SAMM50: variants seen among roughly 807,000 people sequenced by gnomAD.
The protein encoded by SAMM50 is sorting and assembly machinery component 50 homolog.
In SAMM50, 47 loss-of-function variants were observed where a neutral mutation model predicts 66.9. The ratio of observed to expected loss-of-function variants is 0.70; its 90% CI spans 0.56 to 0.90. The LOEUF is 0.90. Among genes scored for constraint, SAMM50 ranks in the 40% least tolerant of loss-of-function variants. The pLI is 0.00. For synonymous variants in SAMM50, 191 were observed against 214.1 expected, an observed-to-expected ratio of 0.89 and a Z score of 0.94; for missense variants, 535 against 595.3, an observed-to-expected ratio of 0.90 and a Z score of 1.05.
intron 3 of SAMM50, among the ~76,000 whole-genome samples, 196 bp downstream of exon 3, chr22:43,964,749 G>C (rs747882780): frequency 4.6e-5 from 7 of 152,124 alleles, no homozygotes; most frequent in Non-Finnish European, 1.0e-4. Flanking sequence ...CCATGTATTC[G>C]CATTTGCCTT....
intron 9 of SAMM50, among the ~76,000 whole-genome samples, chr22:43,977,478 A>G (rs1199302197): frequency 6.6e-6 from 1 of 152,210 alleles, no homozygotes; most frequent in Non-Finnish European, 1.5e-5. Flanking sequence ...GGGGTGCCTG[A>G]CCTTCAGTGT....
Position 43,972,900 on chromosome 22 carries a change from T to C in SAMM50, c.459T>C (p.Leu153=). 6.2e-7 allele frequency: 1 copy of C among 1,603,230 alleles called. No homozygotes were observed. The highest frequency in any genetic ancestry group is 8.5e-7 in the Non-Finnish European group (1 of 1,177,692). Residue 153 remains leucine, a synonymous_variant, in exon 6 of 15, where the codon CTT becomes CTC. Coordinates refer to ENST00000350028, the MANE Select transcript of SAMM50 (RefSeq NM_015380.5). Reference sequence around the variant, plus strand: ...TTGGCCTCAAGCTTCCTAATCTTCTTGGTCGTGCAGAAAAGGTGACCTTTC... The same window carrying C: ...TTGGCCTCAAGCTTCCTAATCTTCTCGGTCGTGCAGAAAAGGTGACCTTTC... The part of the protein sequence containing the change: ...MVLGLKLPNL[L]GRAEKVTFQF...
chr22:43,981,698 T>G (rs2050265625), intron 11 of SAMM50, among the ~76,000 whole-genome samples: 1 of 152,228 alleles, frequency 6.6e-6, no homozygotes, highest in South Asian at 2.1e-4. Flanking sequence ...CCCTTTTGAT[T>G]ATGAAGGAAT....
intron 13 of SAMM50, 134 bp from the exon 14 acceptor site, chr22:43,990,131 C>T: frequency 1.1e-6 from 1 of 944,556 alleles, no homozygotes; most frequent in East Asian, 2.6e-5. Flanking sequence ...TTCATGCATC[C>T]TCCCTAATCT....
intron 10 of SAMM50, among the ~76,000 whole-genome samples, chr22:43,978,455 T>G (rs868333368): frequency 1.3e-4 from 9 of 70,446 alleles, no homozygotes; most frequent in Middle Eastern, 7.2e-3. Flanking sequence ...AAAAAAAAAG[T>G]AACCTCTGCT....
At chr22:43,966,435 G>A (rs2050173842) in intron 3 of SAMM50, among the ~76,000 whole-genome samples, 1 of 151,894 alleles carries the variant, frequency 6.6e-6, no homozygotes, top group Non-Finnish European at 1.5e-5. Context: ...TTGGCTCACT[G>A]CAACCTCCGC....
chr22:43,984,745 C>T (rs2050283199), intron 12 of SAMM50, among the ~76,000 whole-genome samples: 1 of 152,188 alleles, frequency 6.6e-6, no homozygotes, highest in African/African-American at 2.4e-5. Context: ...TCTCCTGCCT[C>T]AGCCCCCTGA....
intron 12 of SAMM50, among the ~76,000 whole-genome samples, chr22:43,984,779 C>A (rs1009496774): frequency 6.6e-6 from 1 of 151,988 alleles, no homozygotes; most frequent in African/African-American, 2.4e-5. Flanking sequence ...CAGGCACACA[C>A]CACCACGCCT....
At chr22:43,992,150 C>T (rs772650203) in intron 14 of SAMM50, among the ~76,000 whole-genome samples, 1 of 152,194 alleles carries the variant, frequency 6.6e-6, no homozygotes, top group Non-Finnish European at 1.5e-5. Context: ...GTAGTTTGTG[C>T]CAGTTGAAGG....
chr22:43,971,449 G>C (rs1461099911), intron 4 of SAMM50, among the ~76,000 whole-genome samples: 7 of 152,140 alleles, frequency 4.6e-5, no homozygotes, highest in Non-Finnish European at 7.3e-5. Flanking sequence ...TACCTGGTGC[G>C]GGGGAGGACA....
At chr22:43,961,445 T>G (rs2050146730) in intron 1 of SAMM50, among the ~76,000 whole-genome samples, 1 of 152,144 alleles carries the variant, frequency 6.6e-6, no homozygotes, top group South Asian at 2.1e-4. Flanking sequence ...AATGTATACA[T>G]AAGTATATTT....
chr22:43,957,812 G>A (rs904486145), intron 1 of SAMM50, among the ~76,000 whole-genome samples: 4 of 152,216 alleles, frequency 2.6e-5, no homozygotes, highest in Non-Finnish European at 5.9e-5. Context: ...AGGCTGGAGT[G>A]CAGTGGCACG....
At chr22:43,979,661 C>G (rs1183007518) in intron 10 of SAMM50, among the ~76,000 whole-genome samples, 1 of 151,926 alleles carries the variant, frequency 6.6e-6, no homozygotes, top group Non-Finnish European at 1.5e-5. Context: ...TCCCCTTCCC[C>G]TTCTCCACAC....
At chr22:43,969,416 A>T (rs999020945) in intron 4 of SAMM50, among the ~76,000 whole-genome samples, 6 of 152,180 alleles carry the variant, frequency 3.9e-5, no homozygotes, top group African/African-American at 1.4e-4. Context: ...CCCCAGAGGG[A>T]GACACAGGGC....
chr22:43,982,069 T>A (rs2050267827), intron 11 of SAMM50, among the ~76,000 whole-genome samples: 1 of 152,254 alleles, frequency 6.6e-6, no homozygotes, highest in Non-Finnish European at 1.5e-5. Flanking sequence ...TACTTGTTGC[T>A]TCGAAATACT....
chr22:43,982,137 T>C (rs927772986), intron 11 of SAMM50, among the ~76,000 whole-genome samples: 1 of 152,232 alleles, frequency 6.6e-6, no homozygotes, highest in Admixed American at 6.5e-5. Flanking sequence ...AGTTAAAATA[T>C]ACTGGTACAG....
At chr22:43,975,937 C>T in intron 7 of SAMM50, 118 bp from the exon 8 acceptor site, 1 of 1,051,564 alleles carries the variant, frequency 9.5e-7, no homozygotes, top group Non-Finnish European at 1.4e-6. Context: ...TCTCTCTCAT[C>T]ATTAAAAAAA....
intron 5 of SAMM50, among the ~76,000 whole-genome samples, 178 bp downstream of exon 5, chr22:43,972,520 G>A (rs373239507): frequency 6.6e-6 from 1 of 152,128 alleles, no homozygotes; most frequent in South Asian, 2.1e-4. Flanking sequence ...TATGTTTTGG[G>A]TTGTTTGATA....
At chr22:43,973,090 C>T in intron 6 of SAMM50, 89 bp downstream of exon 6, 2 of 1,498,400 alleles carry the variant, frequency 1.3e-6, no homozygotes, top group Non-Finnish European at 1.8e-6. Context: ...ATGACAGAAT[C>T]AGCTGCCACT....
Sources: allele counts gnomAD v4.1 joint callset (sites outside exome capture counted in the v4.1 genomes callset), GRCh38; gene constraint gnomAD v4.1.1; transcripts MANE v1.5; gene names NCBI Gene and HGNC (gene_info 2026-07-23, HGNC 2026-07-21).